The following CLDN16 variants were observed in gnomAD, a reference collection of about 807,000 sequenced individuals.
CLDN16 encodes claudin-16.
CLDN16 carries 13 observed loss-of-function variants against 24.6 expected under a neutral mutation model. The observed-to-expected ratio is 0.53, with a 90% CI of 0.34 to 0.84. CLDN16 has a LOEUF of 0.84. CLDN16 is among the 40% of genes least tolerant of loss of function. The pLI, the probability that CLDN16 is intolerant of heterozygous loss-of-function variation, is 0.01. For missense variants in CLDN16, 298 were observed against 292.7 expected (o/e 1.02, Z -0.13); for synonymous variants, 116 against 106.7 (o/e 1.09, Z -0.54).
chr3:190,322,342 C>G, upstream of CLDN16: 1 of 803,198 alleles, frequency 1.2e-6, no homozygotes, highest in Non-Finnish European at 2.1e-6. Flanking sequence ...GCTCGCTGCG[C>G]CGCCGCTGGA....
At chr3:190,345,403 A>G (rs1467875134) in intron 1 of CLDN16, among the ~76,000 whole-genome samples, 1 of 152,044 alleles carries the variant, frequency 6.6e-6, no homozygotes, top group Admixed American at 6.6e-5. Flanking sequence ...GCACTTATGG[A>G]ATTTGAGTTA....
chr3:190,383,622 C>A (rs1718417835), upstream of CLDN16, among the ~76,000 whole-genome samples: 1 of 152,098 alleles, frequency 6.6e-6, no homozygotes, highest in African/African-American at 2.4e-5. Flanking sequence ...ACATAAATGT[C>A]ATAGAACTTG....
rs1409095107 is a variant in CLDN16, at chr3:190,405,595, CCCA to C, written c.382+679_382+681del. On this transcript the variant is annotated intron_variant, in intron 3 of 4. Transcript: ENST00000264734. ...CCAAACTTCTACCTCCTTACCTATA[CCCA>C]CCACCACCAACTCCACCAATTCTTT... Among the ~76,000 whole-genome samples the C allele has an allele frequency of 3.3e-5, 5 of 152,032 alleles. No individual in the cohort carries two copies. In the South Asian group the frequency reaches 6.2e-4, roughly 19 times the overall value.
the CLDN16 span, among the ~76,000 whole-genome samples, chr3:190,298,428 C>T: frequency 6.7e-6 from 1 of 148,688 alleles, no homozygotes; most frequent in East Asian, 2.0e-4. Context: ...AATGATATTA[C>T]GTGCAATGTG....
intron 1 of CLDN16, among the ~76,000 whole-genome samples, chr3:190,332,774 A>ATTTTTT (rs5855323): frequency 6.8e-6 from 1 of 147,872 alleles, no homozygotes; most frequent in Non-Finnish European, 1.5e-5. Context: ...GCAGAGCATG[A>ATTTTTT]TTTTTTTTTT....
chr3:190,358,815 A>G (rs1246594795), intron 1 of CLDN16, among the ~76,000 whole-genome samples: 1 of 152,040 alleles, frequency 6.6e-6, no homozygotes, highest in East Asian at 1.9e-4. Flanking sequence ...GCTGCAGACC[A>G]TGTTTCTTCC....
intron 1 of CLDN16, among the ~76,000 whole-genome samples, chr3:190,390,347 G>A (rs1476309741): frequency 2.0e-5 from 3 of 152,046 alleles, no homozygotes; most frequent in African/African-American, 4.8e-5. Flanking sequence ...CATCCTGGCC[G>A]ACATAGTGAA....
the CLDN16 span, chr3:190,306,023 T>C: frequency 6.6e-6 from 1 of 152,236 alleles, no homozygotes; most frequent in African/African-American, 2.4e-5. Flanking sequence ...CTAAAATTTA[T>C]TAGGTCCAAT....
intron 1 of CLDN16, among the ~76,000 whole-genome samples, chr3:190,360,591 T>G (rs1291307643): frequency 6.6e-6 from 1 of 151,992 alleles, no homozygotes; most frequent in Non-Finnish European, 1.5e-5. Flanking sequence ...ATTACATTAT[T>G]AATTATAATG....
At chr3:190,358,731 A>T (rs1717827969) in intron 1 of CLDN16, among the ~76,000 whole-genome samples, 1 of 151,994 alleles carries the variant, frequency 6.6e-6, no homozygotes. Flanking sequence ...ACAACTAATG[A>T]TGACCTAACC....
At chr3:190,382,114 G>A (rs1306203369) in intron 3 of CLDN16, among the ~76,000 whole-genome samples, 1 of 151,978 alleles carries the variant, frequency 6.6e-6, no homozygotes, top group African/African-American at 2.4e-5. Flanking sequence ...GGATATATGT[G>A]GAAGGGTGTA....
intron 1 of CLDN16, among the ~76,000 whole-genome samples, chr3:190,343,929 G>A (rs1202681023): frequency 6.6e-6 from 1 of 152,000 alleles, no homozygotes; most frequent in Admixed American, 6.6e-5. Context: ...ATAATGTACT[G>A]TAGTCAAGAT....
intron 1 of CLDN16, among the ~76,000 whole-genome samples, chr3:190,327,415 C>T (rs1207270382): frequency 6.6e-6 from 1 of 152,174 alleles, no homozygotes; most frequent in Non-Finnish European, 1.5e-5. Context: ...TAAAATCAAC[C>T]ATCACACTCA....
At chr3:190,351,285 A>C (rs1042996044) in intron 1 of CLDN16, among the ~76,000 whole-genome samples, 1 of 152,140 alleles carries the variant, frequency 6.6e-6, no homozygotes, top group African/African-American at 2.4e-5. Flanking sequence ...TGAATTACTT[A>C]GTCTCCGGTG....
the CLDN16 span, among the ~76,000 whole-genome samples, chr3:190,296,796 C>G: frequency 6.6e-6 from 1 of 151,852 alleles, no homozygotes; most frequent in African/African-American, 2.4e-5. Context: ...GTGATCCGCC[C>G]GTCTTGGCCT....
intron 1 of CLDN16, among the ~76,000 whole-genome samples, chr3:190,338,068 G>C (rs113501379): frequency 0.07 from 10,694 of 152,130 alleles, 554 homozygotes; most frequent in African/African-American, 0.14. Context: ...GTGCCAGGGT[G>C]CCCAGTAGGT....
At chr3:190,352,430 C>T (rs1717688939) in intron 1 of CLDN16, among the ~76,000 whole-genome samples, 2 of 152,096 alleles carry the variant, frequency 1.3e-5, no homozygotes, top group African/African-American at 4.8e-5. Context: ...ACAAGATTAA[C>T]ATTCCAGGTC....
the CLDN16 span, among the ~76,000 whole-genome samples, chr3:190,290,884 T>A: frequency 3.3e-5 from 5 of 152,248 alleles, no homozygotes; most frequent in Middle Eastern, 3.4e-3. Context: ...AACAAAAAAA[T>A]TCTACATATC....
chr3:190,378,569 G>T (rs1304362492), intron 3 of CLDN16, among the ~76,000 whole-genome samples: 1 of 152,052 alleles, frequency 6.6e-6, no homozygotes, highest in South Asian at 2.1e-4. Context: ...TATCATGGGT[G>T]CCAGGCCCTG....
Sources: allele counts gnomAD v4.1 joint callset (sites outside exome capture counted in the v4.1 genomes callset), GRCh38; gene constraint gnomAD v4.1.1; transcripts MANE v1.5; gene names NCBI Gene and HGNC (gene_info 2026-07-23, HGNC 2026-07-21).